Variants in DNAAF4 observed in about 807,000 individuals in gnomAD.
DNAAF4 encodes dynein assembly factor 4, axonemal.
A neutral mutation model predicts 51.8 loss-of-function variants in DNAAF4; 43 were observed. That is an observed-to-expected ratio of 0.83 (90% CI 0.65 to 1.07). The LOEUF is 1.07. Ranked by LOEUF, DNAAF4 falls within the 50% of genes least tolerant of loss-of-function variation. The probability of loss-of-function intolerance (pLI) is 0.00; values close to 1 mark genes in which losing one functional copy is unlikely to be tolerated. For missense variants in DNAAF4, 581 were observed against 493.0 expected, an observed-to-expected ratio of 1.18 and a Z score of -1.69; for synonymous variants, 194 against 165.6, an observed-to-expected ratio of 1.17 and a Z score of -1.32.
chr15:55,418,717 A>C, intron 7 of DNAAF4: 1 of 567,396 alleles, frequency 1.8e-6, no homozygotes, highest in Non-Finnish European at 3.0e-6. Context: ...TGATAACTAC[A>C]TGACAGTGAC....
In DNAAF4 at chr15:55,430,614, T is replaced by C; in HGVS notation, c.*56A>G. On this transcript the variant is annotated 3_prime_UTR_variant, in exon 10 of 10. Transcript: ENST00000321149. The stretch of plus-strand genomic sequence containing the variant: ...CAACTGGCCATAATATGTACAAAGA[T>C]GCCTCCAGTTGTTTTTAAAAAACTT... 1 of 1,576,460 alleles carries C rather than the reference T, an allele frequency of 6.3e-7. No homozygotes were observed.
intron 9 of DNAAF4, among the ~76,000 whole-genome samples, chr15:55,431,038 T>A (rs551971672): frequency 6.6e-6 from 1 of 151,586 alleles, no homozygotes. Context: ...CTCAGCCTCC[T>A]GAGTAGCTGG....
At chr15:55,437,269 T>G (rs1408628865) in intron 7 of DNAAF4, among the ~76,000 whole-genome samples, 1 of 152,066 alleles carries the variant, frequency 6.6e-6, no homozygotes, top group African/African-American at 2.4e-5. Context: ...GCTGAATAAA[T>G]GAATAGGAAG....
In DNAAF4 at chr15:55,468,744, G is replaced by T. The variant is rs146280794; in HGVS notation, c.406-1583C>A. 3.2e-3 allele frequency among the ~76,000 whole-genome samples: 492 copies of T among 152,242 alleles called. 5 individuals are homozygous for T. The highest frequency in any genetic ancestry group is 0.011 in the African/African-American group (473 of 41,548). On this transcript the variant is annotated intron_variant, in intron 4 of 9. Coordinates refer to ENST00000321149, the MANE Select transcript of DNAAF4 (RefSeq NM_130810.4). ...AAGTTTTTAAAATGCATAAGACTAA[G>T]TCTTAATTACCAAAAATGAGACTGT... is the stretch of plus-strand genomic sequence containing the variant.
intron 5 of DNAAF4, among the ~76,000 whole-genome samples, chr15:55,465,387 T>TAC (rs1491418655): frequency 3.1e-5 from 1 of 31,762 alleles, no homozygotes; most frequent in Non-Finnish European, 5.9e-5. Flanking sequence ...AAATATGGTG[T>TAC]ATATATACAC....
rs1567000467 is a variant in DNAAF4 at position 55,433,915 on chromosome 15, T to TATATATA, written c.1047+983_1047+989dup. 8.2e-3 allele frequency among the ~76,000 whole-genome samples: 82 copies of TATATATA among 10,048 alleles called. 5 individuals are homozygous for TATATATA. The highest frequency in any genetic ancestry group is 0.033 in the East Asian group (1 of 30). 6.6% of individuals were successfully genotyped at this position (10,048 alleles called of 152,430 possible). ...ATATATTATATATATTATATATAAT[T>TATATATA]ATATATATTATATTATATAAAATAT... On this transcript the variant is annotated intron_variant, in intron 8 of 9. Coordinates refer to ENST00000321149, the MANE Select transcript of DNAAF4 (RefSeq NM_130810.4).
intron 5 of DNAAF4, among the ~76,000 whole-genome samples, chr15:55,459,912 C>T (rs1567016737): frequency 6.6e-6 from 1 of 152,002 alleles, no homozygotes; most frequent in Admixed American, 6.6e-5. Context: ...CCATGTTGGC[C>T]TGGCTGGTCT....
At chr15:55,507,527 C>T (rs1217522718) in intron 1 of DNAAF4, among the ~76,000 whole-genome samples, 1 of 152,122 alleles carries the variant, frequency 6.6e-6, no homozygotes, top group Non-Finnish European at 1.5e-5. Context: ...ATAGCTTTTG[C>T]ATCACTGTAA....
At chr15:55,500,288 T>C (rs756031052) in intron 1 of DNAAF4, among the ~76,000 whole-genome samples, 1 of 152,204 alleles carries the variant, frequency 6.6e-6, no homozygotes, top group Non-Finnish European at 1.5e-5. Context: ...CTGGTAACTT[T>C]GAATACTGGG....
chr15:55,503,288 C>T (rs1029129109), intron 1 of DNAAF4, among the ~76,000 whole-genome samples: 2 of 152,040 alleles, frequency 1.3e-5, no homozygotes, highest in Admixed American at 6.6e-5. Flanking sequence ...AATTAATAAC[C>T]TACCAACCAA....
At chr15:55,450,527 TATAGC>T (rs1567011907) in intron 5 of DNAAF4, among the ~76,000 whole-genome samples, 160 bp from the exon 6 acceptor site, 2 of 152,210 alleles carry the variant, frequency 1.3e-5, no homozygotes, top group African/African-American at 4.8e-5. Flanking sequence ...GCAATGATAA[TATAGC>T]AGCTAATGAC....
In DNAAF4 at chr15:55,497,782, C is replaced by T. The variant is rs757113537; in HGVS notation, c.201G>A (p.Gly67=). The T allele has an allele frequency of 3.1e-6, 5 of 1,605,910 alleles. No homozygotes were observed. The highest frequency in any genetic ancestry group is 1.7e-5 in the Admixed American group (1 of 59,706). The part of the protein sequence containing the change: ...IDDESSKAKI[G]NDTIVFTLYK... ...ACAAGGTGAAGACAATGGTGTCATT[C>T]CCAATCTTTGCTTTGCTGCTCTCAT... The change falls in exon 3 of 10, where the codon GGG becomes GGA. Residue 67 remains glycine (G), a synonymous_variant. Coordinates refer to ENST00000321149, the MANE Select transcript of DNAAF4 (RefSeq NM_130810.4).
intron 7 of DNAAF4, among the ~76,000 whole-genome samples, chr15:55,424,365 C>A (rs1468423306): frequency 6.6e-6 from 1 of 152,152 alleles, no homozygotes; most frequent in Admixed American, 6.6e-5. Flanking sequence ...AATCTCTGTC[C>A]TTTATAAATT....
At chr15:55,484,468 G>C (rs2058458141) in intron 4 of DNAAF4, among the ~76,000 whole-genome samples, 1 of 147,748 alleles carries the variant, frequency 6.8e-6, no homozygotes, top group East Asian at 2.0e-4. Flanking sequence ...CTGGGCAACA[G>C]AGTGAGACTC....
chr15:55,442,871 C>T lies in DNAAF4; in HGVS notation c.784-3290G>A. 1.9e-6 allele frequency: 3 copies of T among 1,612,494 alleles called. No homozygotes were observed. In the Admixed American group the frequency reaches 5.0e-5, roughly 27 times the overall value. On this transcript the variant is annotated intron_variant, in intron 6 of 9. Coordinates refer to ENST00000321149, the MANE Select transcript of DNAAF4 (RefSeq NM_130810.4). ...ATCATTGCACACATACCAACAGTAG[C>T]ATCAATCATGGTTGCAATGGCACCT...
rs1753987610 is a variant in DNAAF4 at position 55,430,642 on chromosome 15, A to G, written c.*28T>C. On this transcript the variant is annotated 3_prime_UTR_variant, in exon 10 of 10. Transcript: ENST00000321149. ...CTCCAGTTGTTTTTAAAAAACTTAT[A>G]ACAATACTTAGTTACTTCTAATAGT... 3 of 1,602,682 alleles carry G rather than the reference A, an allele frequency of 1.9e-6. No homozygotes were observed. In the African/African-American group the frequency reaches 4.0e-5, roughly 22 times the overall value.
At chr15:55,441,401 T>C (rs1467365229) in intron 6 of DNAAF4, among the ~76,000 whole-genome samples, 4 of 151,986 alleles carry the variant, frequency 2.6e-5, no homozygotes, top group African/African-American at 4.8e-5. Context: ...TTCTGGGTTA[T>C]AATATTTTCA....
At chr15:55,485,936 AGT>A (rs1253613768) in intron 4 of DNAAF4, among the ~76,000 whole-genome samples, 1 of 144,070 alleles carries the variant, frequency 6.9e-6, no homozygotes, top group Non-Finnish European at 1.5e-5. Context: ...CAGAGCTTGC[AGT>A]GAGCCAAGAC....
intron 7 of DNAAF4, among the ~76,000 whole-genome samples, chr15:55,438,092 C>T (rs1023391052): frequency 4.6e-5 from 7 of 152,094 alleles, no homozygotes; most frequent in African/African-American, 1.7e-4. Flanking sequence ...TATTCACGGC[C>T]GGGTGCAGTG....
Sources: allele counts gnomAD v4.1 joint callset (sites outside exome capture counted in the v4.1 genomes callset), GRCh38; gene constraint gnomAD v4.1.1; transcripts MANE v1.5; gene names NCBI Gene and HGNC (gene_info 2026-07-23, HGNC 2026-07-21).